JAZF1: variants seen among roughly 807,000 people sequenced by gnomAD.
JAZF1 encodes the protein JAZF zinc finger 1, also known as juxtaposed with another zinc finger protein 1.
In JAZF1, 8 loss-of-function variants were observed where a neutral mutation model predicts 26.4. The observed-to-expected ratio is 0.30, with a 90% CI of 0.18 to 0.55. The LOEUF is 0.55. JAZF1 is among the 20% of genes least tolerant of loss of function. The probability of loss-of-function intolerance (pLI) is 0.94; values close to 1 mark genes in which losing one functional copy is unlikely to be tolerated. For synonymous variants in JAZF1, 126 were observed against 122.3 expected (o/e 1.03, Z -0.20); for missense variants, 199 against 322.0 (o/e 0.62, Z 2.92).
intron 1 of JAZF1, among the ~76,000 whole-genome samples, chr7:28,119,383 T>C (rs1419775519): frequency 6.6e-6 from 1 of 152,162 alleles, no homozygotes; most frequent in Non-Finnish European, 1.5e-5. Context: ...GCCAATCATA[T>C]GATCATTTTC....
intron 2 of JAZF1, among the ~76,000 whole-genome samples, chr7:27,897,478 G>C (rs1176793046): frequency 6.6e-6 from 1 of 151,626 alleles, no homozygotes; most frequent in Non-Finnish European, 1.5e-5. Flanking sequence ...TTTCTACACG[G>C]GAGTCTGATC....
intron 3 of JAZF1, among the ~76,000 whole-genome samples, chr7:27,888,312 TTC>T (rs1397974727): frequency 3.3e-5 from 5 of 152,228 alleles, no homozygotes. Context: ...AGAATAGTAT[TTC>T]TCTCTCTGAG....
At chr7:28,041,518 C>G (rs1167592072) in intron 1 of JAZF1, among the ~76,000 whole-genome samples, 2 of 152,160 alleles carry the variant, frequency 1.3e-5, no homozygotes, top group Non-Finnish European at 2.9e-5. Context: ...CAAGACACAG[C>G]CTTCCAGAAG....
At chr7:28,160,447 A>AC (rs1479424937) in intron 1 of JAZF1, among the ~76,000 whole-genome samples, 1 of 151,644 alleles carries the variant, frequency 6.6e-6, no homozygotes, top group Non-Finnish European at 1.5e-5. Flanking sequence ...TTGTGGCTGC[A>AC]CCCCCAGCAC....
intron 1 of JAZF1, among the ~76,000 whole-genome samples, chr7:28,053,892 G>A (rs1451407962): frequency 2.6e-5 from 4 of 152,050 alleles, no homozygotes. Flanking sequence ...ACCCCGAGCA[G>A]CTCTGCATCA....
chr7:27,911,528 T>C (rs1784360264), intron 2 of JAZF1, among the ~76,000 whole-genome samples: 1 of 152,238 alleles, frequency 6.6e-6, no homozygotes. Flanking sequence ...GAAATGTGGC[T>C]AGTACAGCCA....
intron 2 of JAZF1, among the ~76,000 whole-genome samples, chr7:27,968,995 C>A (rs1785325646): frequency 6.6e-6 from 1 of 152,052 alleles, no homozygotes; most frequent in South Asian, 2.1e-4. Context: ...CCAAGATGGC[C>A]CCCAATGTCT....
At chr7:28,077,942 A>G (rs1784079180) in intron 1 of JAZF1, among the ~76,000 whole-genome samples, 1 of 152,154 alleles carries the variant, frequency 6.6e-6, no homozygotes, top group Non-Finnish European at 1.5e-5. Flanking sequence ...TCTACTATTT[A>G]AGACCCACTA....
At chr7:28,110,660 A>G (rs1038653883) in intron 1 of JAZF1, among the ~76,000 whole-genome samples, 5 of 149,654 alleles carry the variant, frequency 3.3e-5, no homozygotes, top group Non-Finnish European at 5.9e-5. Flanking sequence ...GGAAAGGAAA[A>G]GAAAAGTTAG....
chr7:28,117,155 T>C (rs538138840), intron 1 of JAZF1, among the ~76,000 whole-genome samples: 7 of 152,330 alleles, frequency 4.6e-5, no homozygotes, highest in African/African-American at 1.7e-4. Context: ...CCACTGCAAA[T>C]AGTTTCTTCT....
chr7:28,049,552 C>T (rs922722876), intron 1 of JAZF1, among the ~76,000 whole-genome samples: 6 of 152,054 alleles, frequency 3.9e-5, no homozygotes, highest in African/African-American at 1.4e-4. Context: ...AGTGTCAGTT[C>T]CCACAGGTAA....
intron 2 of JAZF1, among the ~76,000 whole-genome samples, chr7:27,956,412 C>A (rs996877400): frequency 6.6e-6 from 1 of 152,126 alleles, no homozygotes; most frequent in African/African-American, 2.4e-5. Flanking sequence ...CCAGGCATTC[C>A]GAAGATTTTA....
intron 2 of JAZF1, among the ~76,000 whole-genome samples, chr7:27,950,153 A>T (rs1784985332): frequency 6.6e-6 from 1 of 152,260 alleles, no homozygotes; most frequent in Non-Finnish European, 1.5e-5. Flanking sequence ...GAGCATGTCA[A>T]ATGAGACTAT....
chr7:28,129,996 A>T (rs1782764118), intron 1 of JAZF1, among the ~76,000 whole-genome samples: 1 of 151,694 alleles, frequency 6.6e-6, no homozygotes, highest in South Asian at 2.1e-4. Context: ...GGAACTACTG[A>T]TTTTTTTTTA....
At chr7:27,854,695 C>T (rs866104690) in intron 3 of JAZF1, among the ~76,000 whole-genome samples, 3 of 152,132 alleles carry the variant, frequency 2.0e-5, no homozygotes, top group African/African-American at 4.8e-5. Flanking sequence ...TGAATATCGG[C>T]CCCCACTCTC....
chr7:28,054,729 G>A (rs576573493), intron 1 of JAZF1, among the ~76,000 whole-genome samples: 1 of 152,154 alleles, frequency 6.6e-6, no homozygotes, highest in Non-Finnish European at 1.5e-5. Context: ...AGTTAACGCA[G>A]GAAGAGGTGC....
rs1001684947 is a variant in JAZF1 at position 28,090,144 on chromosome 7, A to G, written c.115+90319T>C. On this transcript the variant is annotated intron_variant, in intron 1 of 4. Coordinates refer to ENST00000283928, the MANE Select transcript of JAZF1 (RefSeq NM_175061.4). ...ACAAGTTACTCAACCTCTTTAAACC[A>G]CACTTTCCTCAACTTAAAAATCAGT... 2.0e-5 allele frequency among the ~76,000 whole-genome samples: 3 copies of G among 152,330 alleles called. No homozygotes were observed. The East Asian group carries it at 5.8e-4, about 29-fold the overall frequency.
At chr7:28,102,848 C>A (rs1381327256) in intron 1 of JAZF1, among the ~76,000 whole-genome samples, 1 of 152,128 alleles carries the variant, frequency 6.6e-6, no homozygotes, top group African/African-American at 2.4e-5. Context: ...AGAACTAGTA[C>A]AAACACAATA....
At chr7:27,857,795 G>A (rs866443389) in intron 3 of JAZF1, among the ~76,000 whole-genome samples, 2 of 152,170 alleles carry the variant, frequency 1.3e-5, no homozygotes. Flanking sequence ...CATACTGAAT[G>A]GGCAAAAGCT....
Sources: gnomAD v4.1 joint callset for allele counts (sites outside exome capture counted in the v4.1 genomes callset) on GRCh38, gnomAD v4.1.1 for gene constraint, MANE v1.5 for transcripts, NCBI Gene and HGNC (gene_info 2026-07-23, HGNC 2026-07-21) for gene names.